Variants in SEMA4A observed in about 807,000 individuals in gnomAD.
The protein encoded by SEMA4A is semaphorin-4A.
SEMA4A carries 52 observed loss-of-function variants against 72.5 expected under a neutral mutation model. That is an observed-to-expected ratio of 0.72 (90% CI 0.57 to 0.90). SEMA4A has a LOEUF of 0.90. Among genes scored for constraint, SEMA4A ranks in the 40% least tolerant of loss-of-function variants. The pLI is 0.00. For missense variants in SEMA4A, 926 were observed against 959.7 expected, an observed-to-expected ratio of 0.96 and a Z score of 0.46; for synonymous variants, 369 against 393.1, an observed-to-expected ratio of 0.94 and a Z score of 0.73.
rs770552860 is a variant in SEMA4A, at chr1:156,158,820, GGT to G, written c.566_567del (p.Val189GlyfsTer16). 1 of 1,612,480 alleles carries G rather than the reference GGT, an allele frequency of 6.2e-7. No individual in the cohort carries two copies. Among genetic ancestry groups the G allele is most frequent in the East Asian group, 2.2e-5 (1 of 44,862 alleles). ...DPAHKHTAVL[V>X]DGMLYSGTMN... ...CCGCTCACAAGCATACGGCTGTCTT[GGT>G]GGGTGAGTATCAGGTTTCCCACTTC... On this transcript the variant is annotated frameshift_variant and splice_region_variant, in exon 6 of 15. Coordinates refer to ENST00000368285, the MANE Select transcript of SEMA4A (RefSeq NM_022367.4). LOFTEE classifies it high-confidence loss of function.
chr1:156,158,136 A>G lies in SEMA4A; in HGVS notation c.363+4A>G, dbSNP rs1182398249. ...CTTTAAGAAGAAGAGCAATGAGGTA[A>G]GTGGAGGTGGGGGAGTAGGGGTAGA... On this transcript the variant is annotated splice_donor_region_variant and intron_variant, in intron 4 of 14. Coordinates refer to ENST00000368285, the MANE Select transcript of SEMA4A (RefSeq NM_022367.4). 3.1e-6 allele frequency: 5 copies of G among 1,614,140 alleles called. No homozygotes were observed. Among genetic ancestry groups the G allele is most frequent in the Non-Finnish European group, 4.2e-6 (5 of 1,179,996 alleles).
At chr1:156,150,241 G>C (rs1371534912), upstream of SEMA4A, 3 of 152,442 alleles carry the variant, frequency 2.0e-5, no homozygotes, top group Admixed American at 6.5e-5. Flanking sequence ...TCAGACTGGA[G>C]GAGGGGACCT....
At position 156,158,479 on chromosome 1, in the gene SEMA4A, C is replaced by A; in HGVS notation, c.455C>A (p.Thr152Asn). 3 of 1,611,930 alleles carry A rather than the reference C, an allele frequency of 1.9e-6. No homozygotes were observed. Among genetic ancestry groups the A allele is most frequent in the Non-Finnish European group, 2.5e-6 (3 of 1,178,018 alleles). The change falls in exon 5 of 15, where the codon ACC becomes AAC. Residue 152 changes from threonine to asparagine, a missense_variant. By Grantham distance (65) the Thr-to-Asn change is moderately conservative. Coordinates refer to ENST00000368285, the MANE Select transcript of SEMA4A (RefSeq NM_022367.4). ...ACCTTCGCCTTCAGCCCTGCTTGTA[C>A]CTTCATTGTGAGTTCTCTGGTGCCC... ...CGTFAFSPAC[T>N]FIELQDSYLL...
intron 9 of SEMA4A, among the ~76,000 whole-genome samples, chr1:156,162,215 C>T (rs1382268861): frequency 6.6e-6 from 1 of 152,190 alleles, no homozygotes; most frequent in African/African-American, 2.4e-5. Flanking sequence ...GAGCCAAGAT[C>T]GCACCACTGC....
Position 156,176,770 on chromosome 1 carries a change from G to A in SEMA4A, c.2059G>A (p.Val687Ile). 3 of 1,612,854 alleles carry A rather than the reference G, an allele frequency of 1.9e-6. No individual in the cohort carries two copies. The highest frequency in any genetic ancestry group is 2.5e-6 in the Non-Finnish European group (3 of 1,178,924). The change falls in exon 15 of 15, where the codon GTC becomes ATC. Residue 687 changes from valine (V) to isoleucine (I), a missense_variant. Transcript: ENST00000368285. ...GTCCTACTGGCCCCACTTTGTCACTGTCACTGTCCTCTTTGCCTTAGTGCT... is the reference window on the plus strand; with the variant it reads ...GTCCTACTGGCCCCACTTTGTCACTATCACTGTCCTCTTTGCCTTAGTGCT... ...QQSYWPHFVTVTVLFALVLSG... is the reference protein window; with the variant it reads ...QQSYWPHFVTITVLFALVLSG...
At chr1:156,171,503 A>G (rs1338233495) in intron 10 of SEMA4A, among the ~76,000 whole-genome samples, 1 of 152,218 alleles carries the variant, frequency 6.6e-6, no homozygotes, top group African/African-American at 2.4e-5. Context: ...CTCAGCAAAC[A>G]TTTATTGAGC....
chr1:156,175,028 T>C (rs1655178739), intron 12 of SEMA4A, 58 bp from the exon 13 acceptor site: 2 of 1,614,066 alleles, frequency 1.2e-6, no homozygotes, highest in Non-Finnish European at 1.7e-6. Flanking sequence ...TGCACCAGCG[T>C]GCTGGGACTT....
At position 156,161,375 on chromosome 1, in the gene SEMA4A, G is replaced by T. The variant is rs758102136; in HGVS notation, c.840G>T (p.Gln280His). 1.3e-6 allele frequency: 2 copies of T among 1,580,150 alleles called. No individual in the cohort carries two copies. The highest frequency in any genetic ancestry group is 3.4e-5 in the Admixed American group (2 of 58,848). ...KNDVGGEKLLQKKWTTFLKAQ... is the reference protein window; with the variant it reads ...KNDVGGEKLLHKKWTTFLKAQ... Reference sequence around the variant, plus strand: ...ACGTGGGCGGCGAAAAGCTGCTGCAGAAGAAGTGGACCACCTTCCTGAAGG... The same window carrying T: ...ACGTGGGCGGCGAAAAGCTGCTGCATAAGAAGTGGACCACCTTCCTGAAGG... The change falls in exon 9 of 15, where the codon CAG becomes CAT. Residue 280 changes from glutamine (Q) to histidine (H), a missense_variant. Transcript: ENST00000368285.
intron 3 of SEMA4A, 42 bp from the exon 4 acceptor site, chr1:156,158,028 C>T (rs1572393105): frequency 5.6e-6 from 9 of 1,607,124 alleles, no homozygotes; most frequent in Non-Finnish European, 6.8e-6. Flanking sequence ...AACTGAGGAC[C>T]TTATTTCTTT....
chr1:156,163,495 G>A (rs998140351), intron 10 of SEMA4A, among the ~76,000 whole-genome samples: 2 of 152,086 alleles, frequency 1.3e-5, no homozygotes, highest in African/African-American at 2.4e-5. Flanking sequence ...GCCGAGGCAG[G>A]TGGATCACTT....
At chr1:156,151,118 G>A (rs1652500590), upstream of SEMA4A, among the ~76,000 whole-genome samples, 1 of 152,242 alleles carries the variant, frequency 6.6e-6, no homozygotes, top group Admixed American at 6.5e-5. Flanking sequence ...TCAGCCCTGA[G>A]CTTCTTTGAT....
chr1:156,166,406 A>G (rs550281334), intron 10 of SEMA4A, among the ~76,000 whole-genome samples: 2 of 152,340 alleles, frequency 1.3e-5, no homozygotes, highest in African/African-American at 2.4e-5. Flanking sequence ...GGCAGGGAAT[A>G]TAGAAGTGAG....
chr1:156,158,581 C>G (rs1255698809), intron 5 of SEMA4A, 95 bp downstream of exon 5: 1 of 1,316,996 alleles, frequency 7.6e-7, no homozygotes, highest in Non-Finnish European at 1.1e-6. Context: ...CTCTGGCCTT[C>G]CAGATGCAGG....
Position 156,172,882 on chromosome 1 carries a change from G to A in SEMA4A, c.1191G>A (p.Leu397=). ...KALTFMKDHF[L]MDEQVVGTPL... The stretch of plus-strand genomic sequence containing the variant: ...TGACCTTCATGAAGGACCATTTCCT[G>A]ATGGATGAGCAAGTGGTGGGGACGC... Residue 397 remains leucine, a synonymous_variant, in exon 11 of 15, where the codon CTG becomes CTA. Transcript: ENST00000368285. 2 of 1,614,190 alleles carry A rather than the reference G, an allele frequency of 1.2e-6. No homozygotes were observed. Among genetic ancestry groups the A allele is most frequent in the South Asian group, 2.2e-5 (2 of 91,074 alleles).
chr1:156,164,110 A>C (rs938635375), intron 10 of SEMA4A, among the ~76,000 whole-genome samples: 1 of 152,082 alleles, frequency 6.6e-6, no homozygotes, highest in Admixed American at 6.6e-5. Context: ...TCTCCTCTAC[A>C]AAAAGAGAAA....
chr1:156,172,360 C>G (rs1654882827), intron 10 of SEMA4A, among the ~76,000 whole-genome samples: 1 of 152,090 alleles, frequency 6.6e-6, no homozygotes, highest in South Asian at 2.1e-4. Context: ...AGGTGATCCA[C>G]CCACCTAGGC....
chr1:156,150,643 T>G (rs1290923497), upstream of SEMA4A, among the ~76,000 whole-genome samples: 1 of 152,094 alleles, frequency 6.6e-6, no homozygotes, highest in East Asian at 1.9e-4. Flanking sequence ...ATCCGTGTTC[T>G]GCAGGGGCTC....
At chr1:156,170,450 G>A (rs1389827112) in intron 10 of SEMA4A, among the ~76,000 whole-genome samples, 3 of 68,056 alleles carry the variant, frequency 4.4e-5, no homozygotes, top group Admixed American at 2.1e-4. Flanking sequence ...GCAACAGAGC[G>A]ATACTGTCTC....
intron 2 of SEMA4A, chr1:156,156,041 CTTGTGGCTGCCAACACTTTCCTGT>C (rs1652983654): frequency 2.9e-6 from 1 of 349,664 alleles, no homozygotes; most frequent in Non-Finnish European, 5.6e-6. Context: ...AGCTTTGCTG[CTTGTGGCTGCCAACACTTTCCTGT>C]TTGTCTGTCT....
Sources: allele counts gnomAD v4.1 joint callset (sites outside exome capture counted in the v4.1 genomes callset), GRCh38; gene constraint gnomAD v4.1.1; transcripts MANE v1.5; gene names NCBI Gene and HGNC (gene_info 2026-07-23, HGNC 2026-07-21).